Variants in PLGRKT observed in about 807,000 individuals in gnomAD.
PLGRKT encodes the protein plasminogen receptor (KT).
PLGRKT carries 22 observed loss-of-function variants against 18.5 expected under a neutral mutation model. That is an observed-to-expected ratio of 1.19 (90% CI 0.85 to 1.70). The LOEUF is 1.70. Among genes scored for constraint, PLGRKT ranks in the 40% most tolerant of loss-of-function variants. PLGRKT has a pLI of 0.00. For missense variants in PLGRKT, 235 were observed against 174.4 expected (o/e 1.35, Z -1.96); for synonymous variants, 72 against 52.8 (o/e 1.36, Z -1.58).
chr9:5,425,140 A>C (rs576958557), intron 3 of PLGRKT, among the ~76,000 whole-genome samples: 1 of 152,312 alleles, frequency 6.6e-6, no homozygotes, highest in South Asian at 2.1e-4. Flanking sequence ...ACTGCAGCAC[A>C]GCATGGACCT....
intron 3 of PLGRKT, among the ~76,000 whole-genome samples, chr9:5,424,557 TAATAC>T (rs1328081027): frequency 2.2e-5 from 3 of 133,622 alleles, no homozygotes; most frequent in Admixed American, 1.6e-4. Context: ...TATGTTTATA[TAATAC>T]AATATAATAT....
chr9:5,419,597 T>G (rs1818534625), intron 3 of PLGRKT, among the ~76,000 whole-genome samples: 1 of 152,076 alleles, frequency 6.6e-6, no homozygotes. Context: ...AAATGGCCAT[T>G]AAGCCCACGA....
intron 2 of PLGRKT, among the ~76,000 whole-genome samples, chr9:5,433,059 C>G (rs1451538411): frequency 1.3e-5 from 2 of 149,164 alleles, no homozygotes; most frequent in East Asian, 2.0e-4. Flanking sequence ...AGGAGGGCCT[C>G]TGCCCGGCCG....
intron 3 of PLGRKT, among the ~76,000 whole-genome samples, chr9:5,365,704 T>A (rs750294483): frequency 8.5e-5 from 13 of 152,210 alleles, no homozygotes; most frequent in Non-Finnish European, 1.8e-4. Context: ...CAATGTTAGT[T>A]TCTTATTTGT....
chr9:5,433,795 G>T (rs527973307), intron 2 of PLGRKT, among the ~76,000 whole-genome samples: 2 of 131,710 alleles, frequency 1.5e-5, no homozygotes, highest in South Asian at 5.1e-4. Context: ...CCTCTGCCTG[G>T]CTGCCCCGTC....
chr9:5,424,992 T>A (rs1027657568), intron 3 of PLGRKT, among the ~76,000 whole-genome samples: 1 of 152,208 alleles, frequency 6.6e-6, no homozygotes, highest in Admixed American at 6.6e-5. Flanking sequence ...TAACAACAGA[T>A]ATAAAGGTCA....
chr9:5,361,458 G>A (rs1563764329), intron 4 of PLGRKT, among the ~76,000 whole-genome samples: 2 of 152,034 alleles, frequency 1.3e-5, no homozygotes, highest in African/African-American at 2.4e-5. Flanking sequence ...AGTAAGGATT[G>A]GTATCTACCA....
intron 3 of PLGRKT, among the ~76,000 whole-genome samples, chr9:5,390,396 G>C (rs1056328890): frequency 1.3e-5 from 2 of 151,758 alleles, no homozygotes; most frequent in African/African-American, 4.9e-5. Flanking sequence ...GATCACAGGA[G>C]AGGCCAAACA....
At chr9:5,427,320 C>T (rs556227102) in intron 3 of PLGRKT, among the ~76,000 whole-genome samples, 1 of 151,962 alleles carries the variant, frequency 6.6e-6, no homozygotes, top group Non-Finnish European at 1.5e-5. Context: ...TTAACCATAG[C>T]CCCAAAGTAG....
intron 3 of PLGRKT, among the ~76,000 whole-genome samples, chr9:5,367,030 TACACAC>T (rs56259718): frequency 9.0e-4 from 101 of 112,396 alleles, no homozygotes; most frequent in East Asian, 1.6e-3. Flanking sequence ...TACACACACA[TACACAC>T]ACACACACAC....
At chr9:5,387,281 G>T (rs924313732) in intron 3 of PLGRKT, among the ~76,000 whole-genome samples, 1 of 151,838 alleles carries the variant, frequency 6.6e-6, no homozygotes, top group Non-Finnish European at 1.5e-5. Context: ...AATGTAATTT[G>T]ACATTTCAAC....
chr9:5,399,528 T>A (rs1818116277), intron 3 of PLGRKT, among the ~76,000 whole-genome samples: 1 of 151,916 alleles, frequency 6.6e-6, no homozygotes, highest in Non-Finnish European at 1.5e-5. Context: ...AAAGCTCTAA[T>A]GTTATATTTA....
intron 3 of PLGRKT, among the ~76,000 whole-genome samples, chr9:5,405,340 C>A (rs1401934506): frequency 6.6e-6 from 1 of 152,180 alleles, no homozygotes; most frequent in Non-Finnish European, 1.5e-5. Flanking sequence ...AGGAATCATG[C>A]TACCTGACTT....
At chr9:5,385,467 T>A (rs889806954) in intron 3 of PLGRKT, among the ~76,000 whole-genome samples, 4 of 151,662 alleles carry the variant, frequency 2.6e-5, no homozygotes, top group Admixed American at 1.3e-4. Flanking sequence ...CTGCCTCAGC[T>A]ACCGCGCCTG....
chr9:5,398,996 G>C (rs576025391), intron 3 of PLGRKT, among the ~76,000 whole-genome samples: 2 of 151,568 alleles, frequency 1.3e-5, no homozygotes, highest in Non-Finnish European at 2.9e-5. Context: ...GTTACTCATA[G>C]ATAACTTTTT....
At chr9:5,360,495 C>T (rs1411448252) in intron 5 of PLGRKT, among the ~76,000 whole-genome samples, 1 of 152,094 alleles carries the variant, frequency 6.6e-6, no homozygotes, top group Non-Finnish European at 1.5e-5. Flanking sequence ...AGCCTCAGGC[C>T]ATCATTTTTC....
chr9:5,387,675 G>C lies in PLGRKT; in HGVS notation c.82-25787C>G, dbSNP rs900524407. On this transcript the variant is annotated intron_variant, in intron 3 of 5. Coordinates refer to ENST00000223864, the MANE Select transcript of PLGRKT (RefSeq NM_018465.4). ...GGCGGGAGGAAGCCTCCTGCGGGGG[G>C]GCTGGGAATGATCTATCTTTTGATC... Among the ~76,000 whole-genome samples the C allele has an allele frequency of 8.6e-5, 13 of 151,796 alleles. 1 individual carries two copies. The highest frequency in any genetic ancestry group is 2.2e-4 in the African/African-American group (9 of 41,102).
intron 3 of PLGRKT, among the ~76,000 whole-genome samples, chr9:5,370,199 T>C (rs1260743161): frequency 6.6e-6 from 1 of 152,220 alleles, no homozygotes; most frequent in African/African-American, 2.4e-5. Context: ...CTCTTTCCTG[T>C]GTATTTTCAT....
At chr9:5,385,608 T>C (rs1007305638) in intron 3 of PLGRKT, among the ~76,000 whole-genome samples, 3 of 151,852 alleles carry the variant, frequency 2.0e-5, no homozygotes, top group Admixed American at 6.6e-5. Flanking sequence ...CACTCTTCAG[T>C]ACCTGTGTGT....
Sources: allele counts gnomAD v4.1 joint callset (sites outside exome capture counted in the v4.1 genomes callset), GRCh38; gene constraint gnomAD v4.1.1; transcripts MANE v1.5; gene names NCBI Gene and HGNC (gene_info 2026-07-23, HGNC 2026-07-21).